The following SEMA7A variants were observed in gnomAD, a reference collection of about 807,000 sequenced individuals.
SEMA7A encodes semaphorin-7A.
In SEMA7A, 21 loss-of-function variants were observed where a neutral mutation model predicts 67.5. The ratio of observed to expected loss-of-function variants is 0.31; its 90% CI spans 0.22 to 0.45. SEMA7A has a LOEUF of 0.45. SEMA7A is among the 20% of genes least tolerant of loss of function. SEMA7A has a pLI of 1.00. For missense variants in SEMA7A, 774 were observed against 908.6 expected, an observed-to-expected ratio of 0.85 and a Z score of 1.90; for synonymous variants, 364 against 368.5, an observed-to-expected ratio of 0.99 and a Z score of 0.14.
intron 1 of SEMA7A, among the ~76,000 whole-genome samples, chr15:74,420,148 C>T (rs900068551): frequency 1.3e-5 from 2 of 152,202 alleles, no homozygotes; most frequent in African/African-American, 4.8e-5. Context: ...ACTCTGCCCC[C>T]GATCCCTCTT....
At chr15:74,415,686 C>A (rs1450173513) in intron 8 of SEMA7A, 115 bp downstream of exon 8, 10 of 1,057,376 alleles carry the variant, frequency 9.5e-6, no homozygotes, top group Middle Eastern at 3.1e-4. Flanking sequence ...GCCTCTTGAG[C>A]CTGCAGCCCC....
chr15:74,413,953 G>A (rs1022300984), intron 10 of SEMA7A, among the ~76,000 whole-genome samples: 1 of 152,154 alleles, frequency 6.6e-6, no homozygotes, highest in Non-Finnish European at 1.5e-5. Context: ...TGGCTTTCCA[G>A]AAAGCAGGAG....
chr15:74,416,011 C>T (rs1214962745), intron 7 of SEMA7A, 26 bp from the exon 8 acceptor site: 2 of 1,605,684 alleles, frequency 1.2e-6, no homozygotes, highest in Non-Finnish European at 1.7e-6. Context: ...GGAGAAGAGG[C>T]CCCTCAGCAC....
At chr15:74,416,014 C>A (rs1391046199) in intron 7 of SEMA7A, 29 bp from the exon 8 acceptor site, 1 of 1,605,810 alleles carries the variant, frequency 6.2e-7, no homozygotes, top group Admixed American at 1.7e-5. Flanking sequence ...GAAGAGGCCC[C>A]TCAGCACCTG....
At chr15:74,417,247 G>GC (rs2060958357) in intron 6 of SEMA7A, 88 bp downstream of exon 6, 1 of 1,050,774 alleles carries the variant, frequency 9.5e-7, no homozygotes, top group Non-Finnish European at 1.5e-6. Flanking sequence ...CCCTCAGGGA[G>GC]CCCTCCCAGA....
In SEMA7A at chr15:74,414,973, TG is replaced by T. The variant is rs2060935472; in HGVS notation, c.987-28del. On this transcript the variant is annotated intron_variant, in intron 8 of 13. Coordinates refer to ENST00000261918, the MANE Select transcript of SEMA7A (RefSeq NM_003612.5). This position sits in a 1 kb window ranked among gnomAD's most constrained non-coding sequence, Gnocchi z 4.1. Reference sequence around the variant, plus strand: ...TGCAGTGACATGGAGACCAGCTCAATGGGGGGCCCAGAACCCACCCATCCAC... The same window carrying T: ...TGCAGTGACATGGAGACCAGCTCAATGGGGGCCCAGAACCCACCCATCCAC... 2.5e-6 allele frequency: 4 copies of T among 1,597,654 alleles called. No homozygotes were observed. In the African/African-American group the frequency reaches 4.0e-5, roughly 16 times the overall value.
At chr15:74,428,888 AG>A (rs1199049071) in intron 1 of SEMA7A, among the ~76,000 whole-genome samples, 3 of 152,186 alleles carry the variant, frequency 2.0e-5, no homozygotes, top group African/African-American at 7.2e-5. Context: ...CTGGCTGGCT[AG>A]GGAAGGGGGA....
intron 10 of SEMA7A, 66 bp from the exon 11 acceptor site, chr15:74,412,078 A>G (rs1327266713): frequency 8.5e-6 from 13 of 1,532,518 alleles, no homozygotes; most frequent in East Asian, 2.3e-5. Flanking sequence ...GCTTTCCTCT[A>G]GGCCGGGGAG....
chr15:74,415,138 C>T (rs1038762436), intron 8 of SEMA7A, among the ~76,000 whole-genome samples, 192 bp from the exon 9 acceptor site: 2 of 152,182 alleles, frequency 1.3e-5, no homozygotes, highest in African/African-American at 4.8e-5. Context: ...AACTTGTATC[C>T]TGTTACAGAA....
chr15:74,424,679 C>A (rs970077117), intron 1 of SEMA7A, among the ~76,000 whole-genome samples: 1 of 152,152 alleles, frequency 6.6e-6, no homozygotes, highest in Admixed American at 6.6e-5. Flanking sequence ...AAGCAAGCCC[C>A]TTGGTGAGAG....
chr15:74,417,491 G>A, intron 5 of SEMA7A, 46 bp from the exon 6 acceptor site: 4 of 1,589,644 alleles, frequency 2.5e-6, no homozygotes, highest in South Asian at 1.1e-5. Flanking sequence ...GGCAGCTCCT[G>A]GAAGTCCCTC....
In SEMA7A at chr15:74,417,973, C is replaced by A. The variant is rs1298798322; in HGVS notation, c.373-4G>T. 3 of 1,612,734 alleles carry A rather than the reference C, an allele frequency of 1.9e-6. No individual in the cohort carries two copies. The highest frequency in any genetic ancestry group is 2.5e-6 in the Non-Finnish European group (3 of 1,179,880). On this transcript the variant is annotated splice_polypyrimidine_tract_variant and splice_region_variant and intron_variant, in intron 3 of 13. Coordinates refer to ENST00000261918, the MANE Select transcript of SEMA7A (RefSeq NM_003612.5). ...GAGTGATGTAGTTCTCGCAGTCCTG[C>A]CCGGGGAAGAGAGAAGGGAGGAGAG...
At chr15:74,419,862 C>G (rs1027980963) in intron 1 of SEMA7A, among the ~76,000 whole-genome samples, 2 of 152,204 alleles carry the variant, frequency 1.3e-5, no homozygotes, top group African/African-American at 4.8e-5. Flanking sequence ...AAAAAAGAAA[C>G]TGACTGCAGC....
intron 2 of SEMA7A, among the ~76,000 whole-genome samples, chr15:74,418,565 C>T (rs1361919448): frequency 6.6e-6 from 1 of 152,228 alleles, no homozygotes; most frequent in African/African-American, 2.4e-5. Context: ...CTTTCCGCAG[C>T]AGCGCTGCCC....
rs371341054 is a variant in SEMA7A at position 74,418,815 on chromosome 15, C to T, written c.316G>A (p.Ala106Thr). 5.9e-5 allele frequency: 96 copies of T among 1,613,644 alleles called. No individual in the cohort carries two copies. Among genetic ancestry groups the T allele is most frequent in the Non-Finnish European group, 7.4e-5 (87 of 1,179,932 alleles). The stretch of plus-strand genomic sequence containing the variant: ...GAGAGGCTCACCGTGCGCACAGATG[C>T]GTTCTTGCCCTCGGGGAAGTCAAAG... ...YLFDFPEGKN[A>T]SVRTVNIGST... Residue 106 changes from alanine (A) to threonine (T), a missense_variant, in exon 2 of 14, where the codon GCA (alanine) becomes ACA (threonine). By Grantham distance (58) the Ala-to-Thr change is moderately conservative. This residue lies in a region of SEMA7A where 347 missense variants were observed against 353.2 expected (regional missense o/e 0.98). Transcript: ENST00000261918.
At chr15:74,431,245 C>A (rs532659408) in intron 1 of SEMA7A, among the ~76,000 whole-genome samples, 170 of 152,322 alleles carry the variant, frequency 1.1e-3, no homozygotes, top group Non-Finnish European at 2.0e-3. Context: ...CTTGCTCTGG[C>A]AGGCTCTAAG....
intron 7 of SEMA7A, among the ~76,000 whole-genome samples, chr15:74,416,283 C>A (rs1185178736): frequency 6.6e-6 from 1 of 152,050 alleles, no homozygotes; most frequent in Non-Finnish European, 1.5e-5. Flanking sequence ...GACTCACACA[C>A]CCACACACGT....
At chr15:74,426,616 A>G (rs767703981) in intron 1 of SEMA7A, among the ~76,000 whole-genome samples, 9 of 152,108 alleles carry the variant, frequency 5.9e-5, no homozygotes, top group Non-Finnish European at 1.2e-4. Context: ...TCAGAACATA[A>G]AGTACTCTGT....
intron 3 of SEMA7A, 96 bp downstream of exon 3, chr15:74,418,172 C>T (rs894075437): frequency 2.0e-5 from 27 of 1,319,582 alleles, no homozygotes; most frequent in South Asian, 7.2e-5. Flanking sequence ...GTCTGGGACT[C>T]GTGGGGCAGG....
Sources: gnomAD v4.1 joint callset for allele counts (sites outside exome capture counted in the v4.1 genomes callset) on GRCh38, gnomAD v4.1.1 for gene constraint, gnomAD v4.1.1 regional missense constraint, Gnocchi (gnomAD v3.1) non-coding constraint, MANE v1.5 for transcripts, NCBI Gene and HGNC (gene_info 2026-07-23, HGNC 2026-07-21) for gene names.